DOCK4: variants seen among roughly 807,000 people sequenced by gnomAD.
The protein encoded by DOCK4 is dedicator of cytokinesis 4.
A neutral mutation model predicts 268.1 loss-of-function variants in DOCK4; 97 were observed. The ratio of observed to expected loss-of-function variants is 0.36; its 90% CI spans 0.31 to 0.43. DOCK4 has a LOEUF of 0.43. Among genes scored for constraint, DOCK4 ranks in the 20% least tolerant of loss-of-function variants. DOCK4 has a pLI of 1.00. For synonymous variants in DOCK4, 954 were observed against 887.2 expected (o/e 1.08, Z -1.34); for missense variants, 2,145 against 2,455.7 (o/e 0.87, Z 2.67).
chr7:112,155,936 A>C (rs1816573121), intron 1 of DOCK4, among the ~76,000 whole-genome samples: 1 of 152,206 alleles, frequency 6.6e-6, no homozygotes, highest in Non-Finnish European at 1.5e-5. Context: ...TTTTATTTAC[A>C]TTTAATTCGT....
intron 20 of DOCK4, among the ~76,000 whole-genome samples, chr7:111,870,884 A>G (rs57934116): frequency 0.24 from 36,929 of 152,076 alleles, 5,265 homozygotes; most frequent in African/African-American, 0.4. Context: ...TGGAAGCAGT[A>G]ACCTCCTCAC....
intron 36 of DOCK4, among the ~76,000 whole-genome samples, chr7:111,771,642 C>T (rs530275350): frequency 6.6e-6 from 1 of 152,226 alleles, no homozygotes; most frequent in South Asian, 2.1e-4. Context: ...CTCTGACATC[C>T]CTGAGATGAT....
At chr7:112,040,805 T>A (rs372986983) in intron 1 of DOCK4, among the ~76,000 whole-genome samples, 1 of 152,208 alleles carries the variant, frequency 6.6e-6, no homozygotes, top group African/African-American at 2.4e-5. Flanking sequence ...TCATGCAGTA[T>A]TACTCCATTA....
At chr7:111,908,812 G>A (rs1206116275) in intron 13 of DOCK4, among the ~76,000 whole-genome samples, 1 of 151,762 alleles carries the variant, frequency 6.6e-6, no homozygotes, top group African/African-American at 2.4e-5. Flanking sequence ...TTAGTTTGTT[G>A]GGAATGATGG....
chr7:112,018,331 T>C (rs906246435), intron 1 of DOCK4, among the ~76,000 whole-genome samples: 3 of 152,074 alleles, frequency 2.0e-5, no homozygotes, highest in African/African-American at 7.2e-5. Flanking sequence ...AAATGCTGCT[T>C]GTTTATCATA....
intron 25 of DOCK4, 32 bp downstream of exon 25, chr7:111,844,731 T>C (rs1803956545): frequency 3.8e-6 from 6 of 1,597,470 alleles, no homozygotes; most frequent in Middle Eastern, 3.4e-4. Context: ...AACCAGGCCC[T>C]GTTCCACGTG....
At chr7:112,009,885 C>T (rs1170336353) in intron 1 of DOCK4, among the ~76,000 whole-genome samples, 1 of 152,214 alleles carries the variant, frequency 6.6e-6, no homozygotes, top group Non-Finnish European at 1.5e-5. Flanking sequence ...GGCATGAACT[C>T]AGCTCACTGA....
At chr7:111,977,050 T>C (rs1398455976) in intron 8 of DOCK4, 82 bp downstream of exon 8, 2 of 1,488,788 alleles carry the variant, frequency 1.3e-6, no homozygotes, top group Non-Finnish European at 1.8e-6. Context: ...ATATACAAGA[T>C]ATATATCTTA....
At chr7:112,027,893 G>A (rs1453920536) in intron 1 of DOCK4, among the ~76,000 whole-genome samples, 1 of 152,070 alleles carries the variant, frequency 6.6e-6, no homozygotes, top group Non-Finnish European at 1.5e-5. Flanking sequence ...TCTTTTTTCC[G>A]AACTCACAGT....
intron 25 of DOCK4, among the ~76,000 whole-genome samples, chr7:111,840,358 G>A (rs756056655): frequency 1.3e-5 from 2 of 152,154 alleles, no homozygotes; most frequent in African/African-American, 2.4e-5. Context: ...CACATGCTCC[G>A]TAAATGTTAT....
intron 17 of DOCK4, among the ~76,000 whole-genome samples, chr7:111,876,112 G>A (rs2134258647): frequency 6.6e-6 from 1 of 152,236 alleles, no homozygotes; most frequent in Middle Eastern, 3.4e-3. Flanking sequence ...ATCATTTATT[G>A]AGTTATGCCA....
intron 20 of DOCK4, among the ~76,000 whole-genome samples, chr7:111,871,595 T>G (rs992643444): frequency 6.6e-6 from 1 of 152,186 alleles, no homozygotes; most frequent in Admixed American, 6.5e-5. Flanking sequence ...TCAGCAGGTG[T>G]GAAGGAAAAG....
Position 112,195,467 on chromosome 7 carries a change from C to A in DOCK4, c.37+10635G>T, listed in dbSNP as rs114713534. Among the ~76,000 whole-genome samples the A allele has an allele frequency of 5.6e-3, 850 of 152,216 alleles. 6 individuals carry two copies. Among genetic ancestry groups the A allele is most frequent in the African/African-American group, 0.02 (811 of 41,516 alleles). ...TTTGGGTTTTCGTATTTCTTTGAGA[C>A]CCTGGCTAACCCCTGAGCCTGTTAT... On this transcript the variant is annotated intron_variant, in intron 1 of 52. Coordinates refer to ENST00000428084, the MANE Select transcript of DOCK4 (RefSeq NM_001363540.2).
intron 15 of DOCK4, among the ~76,000 whole-genome samples, chr7:111,897,489 C>T (rs1365271617): frequency 6.6e-6 from 1 of 152,116 alleles, no homozygotes; most frequent in Non-Finnish European, 1.5e-5. Flanking sequence ...CAATCAGTCT[C>T]AGACTTTAGA....
chr7:111,780,087 T>C (rs191941571), intron 35 of DOCK4, among the ~76,000 whole-genome samples: 7 of 152,306 alleles, frequency 4.6e-5, no homozygotes, highest in African/African-American at 1.7e-4. Context: ...GACAGGGCTT[T>C]GGTAATAATG....
At chr7:111,883,188 G>C (rs1223670432) in intron 16 of DOCK4, among the ~76,000 whole-genome samples, 1 of 152,094 alleles carries the variant, frequency 6.6e-6, no homozygotes, top group Non-Finnish European at 1.5e-5. Context: ...TTCAGGAAAA[G>C]TGTTTAGGCA....
intron 1 of DOCK4, among the ~76,000 whole-genome samples, chr7:112,194,063 T>C (rs1330031582): frequency 1.3e-5 from 2 of 152,076 alleles, no homozygotes; most frequent in African/African-American, 2.4e-5. Context: ...TCCATATATA[T>C]CCATATTGGG....
intron 1 of DOCK4, among the ~76,000 whole-genome samples, chr7:112,031,315 T>C (rs1016375961): frequency 1.5e-4 from 23 of 152,192 alleles, no homozygotes; most frequent in African/African-American, 5.3e-4. Flanking sequence ...TTCAGTGGAG[T>C]TGAGCATCAC....
chr7:111,803,393 T>C (rs1440058333), intron 30 of DOCK4, among the ~76,000 whole-genome samples: 1 of 152,228 alleles, frequency 6.6e-6, no homozygotes, highest in Non-Finnish European at 1.5e-5. Flanking sequence ...AGATTTAGTA[T>C]ACTTTCTCTA....
Sources: allele counts gnomAD v4.1 joint callset (sites outside exome capture counted in the v4.1 genomes callset), GRCh38; gene constraint gnomAD v4.1.1; transcripts MANE v1.5; gene names NCBI Gene and HGNC (gene_info 2026-07-23, HGNC 2026-07-21).